The following DPP10 variants were observed in gnomAD, a reference collection of about 807,000 sequenced individuals.
DPP10 encodes inactive dipeptidyl peptidase 10.
A neutral mutation model predicts 120.9 loss-of-function variants in DPP10; 33 were observed. The observed-to-expected ratio is 0.27, with a 90% CI of 0.21 to 0.37. The LOEUF is 0.37. Among genes scored for constraint, DPP10 ranks in the 10% least tolerant of loss-of-function variants. DPP10 has a pLI of 1.00. For synonymous variants in DPP10, 337 were observed against 326.1 expected (o/e 1.03, Z -0.36); for missense variants, 816 against 942.8 (o/e 0.87, Z 1.76).
At chr2:114,611,767 A>G (rs145459609) in intron 1 of DPP10, among the ~76,000 whole-genome samples, 1,615 of 152,306 alleles carry the variant, frequency 0.011, 24 homozygotes, top group South Asian at 0.014. Context: ...ATATTAATCA[A>G]GCTCATCCTA....
intron 8 of DPP10, among the ~76,000 whole-genome samples, chr2:115,738,361 A>C (rs1441583815): frequency 1.3e-5 from 2 of 151,934 alleles, no homozygotes; most frequent in Non-Finnish European, 2.9e-5. Context: ...CCTGTGTACT[A>C]TCTGTGGGGT....
chr2:115,279,677 T>C (rs1404355678), intron 1 of DPP10, among the ~76,000 whole-genome samples: 1 of 138,322 alleles, frequency 7.2e-6, no homozygotes, highest in East Asian at 2.1e-4. Flanking sequence ...TTTTTTTTTT[T>C]TTTTTGGAGA....
intron 4 of DPP10, among the ~76,000 whole-genome samples, chr2:115,505,992 A>G (rs192540041): frequency 1.7e-3 from 205 of 123,644 alleles, no homozygotes; most frequent in Non-Finnish European, 2.9e-3. Context: ...AATTATTAAT[A>G]CAAATAAAAT....
chr2:114,777,221 G>A (rs1209159254), intron 1 of DPP10, among the ~76,000 whole-genome samples: 2 of 151,936 alleles, frequency 1.3e-5, no homozygotes, highest in Non-Finnish European at 2.9e-5. Context: ...AAGAGTACAG[G>A]AAGACCAACA....
chr2:115,333,703 A>G (rs1024184574), intron 2 of DPP10, among the ~76,000 whole-genome samples: 2 of 152,016 alleles, frequency 1.3e-5, no homozygotes, highest in Non-Finnish European at 2.9e-5. Flanking sequence ...GGCTGGATAT[A>G]AAATTCTGGG....
intron 1 of DPP10, among the ~76,000 whole-genome samples, chr2:114,643,689 G>C (rs975990006): frequency 6.6e-6 from 1 of 151,738 alleles, no homozygotes; most frequent in Non-Finnish European, 1.5e-5. Flanking sequence ...AATCAGTAAT[G>C]CACTTCTAAA....
intron 1 of DPP10, among the ~76,000 whole-genome samples, chr2:114,470,690 A>G (rs1679833100): frequency 1.3e-5 from 2 of 152,328 alleles, no homozygotes; most frequent in Admixed American, 6.5e-5. Flanking sequence ...ATATTCATGT[A>G]TGTGCTATCT....
intron 1 of DPP10, among the ~76,000 whole-genome samples, chr2:115,110,219 G>A (rs541453085): frequency 6.6e-6 from 1 of 152,214 alleles, no homozygotes; most frequent in Admixed American, 6.5e-5. Flanking sequence ...TAGTGATGAC[G>A]AGGAAAGTCT....
intron 19 of DPP10, among the ~76,000 whole-genome samples, chr2:115,805,048 G>A (rs914337748): frequency 1.3e-5 from 2 of 152,212 alleles, no homozygotes; most frequent in African/African-American, 2.4e-5. Context: ...ACAGAGGCAG[G>A]CAGGCCTCCT....
intron 1 of DPP10, among the ~76,000 whole-genome samples, chr2:115,102,439 C>T (rs1346113763): frequency 6.6e-6 from 1 of 151,990 alleles, no homozygotes; most frequent in Non-Finnish European, 1.5e-5. Flanking sequence ...GAGATAGGGT[C>T]TCACTCTGTC....
At chr2:114,541,445 T>A (rs1434052691) in intron 1 of DPP10, among the ~76,000 whole-genome samples, 1 of 152,110 alleles carries the variant, frequency 6.6e-6, no homozygotes, top group Non-Finnish European at 1.5e-5. Context: ...CCATACTCCC[T>A]TCCTCAAAAC....
At chr2:115,133,628 G>A (rs1178558198) in intron 1 of DPP10, among the ~76,000 whole-genome samples, 1 of 152,134 alleles carries the variant, frequency 6.6e-6, no homozygotes, top group African/African-American at 2.4e-5. Context: ...GAGAAGATGA[G>A]TGAGCTGCTC....
chr2:114,841,638 T>C (rs981937632), intron 1 of DPP10, among the ~76,000 whole-genome samples: 1 of 152,122 alleles, frequency 6.6e-6, no homozygotes, highest in Non-Finnish European at 1.5e-5. Context: ...AATCAACTTC[T>C]AGGACTGAAA....
At chr2:114,525,735 C>A (rs1685446397) in intron 1 of DPP10, among the ~76,000 whole-genome samples, 1 of 152,198 alleles carries the variant, frequency 6.6e-6, no homozygotes, top group Non-Finnish European at 1.5e-5. Context: ...GATGACTAAA[C>A]CATTTCTTGG....
chr2:114,644,884 G>A (rs1696001107), intron 1 of DPP10, among the ~76,000 whole-genome samples: 2 of 151,834 alleles, frequency 1.3e-5, no homozygotes, highest in South Asian at 4.2e-4. Context: ...AAAGATACTG[G>A]ACCATTTTAG....
intron 1 of DPP10, among the ~76,000 whole-genome samples, chr2:114,715,505 G>A (rs1162307128): frequency 6.6e-6 from 1 of 151,574 alleles, no homozygotes; most frequent in African/African-American, 2.4e-5. Flanking sequence ...TTTTATTCTA[G>A]GAAAAAATTC....
chr2:114,751,628 C>A (rs1444998443), intron 1 of DPP10, among the ~76,000 whole-genome samples: 2 of 152,264 alleles, frequency 1.3e-5, no homozygotes, highest in East Asian at 1.9e-4. Context: ...AGCACAATGG[C>A]GTTCACCAAT....
intron 3 of DPP10, among the ~76,000 whole-genome samples, chr2:115,462,519 A>T (rs1574919081): frequency 6.6e-6 from 1 of 152,142 alleles, no homozygotes; most frequent in African/African-American, 2.4e-5. Context: ...ATGGAGGACA[A>T]GGTCCTCCAT....
At chr2:115,361,100 T>C (rs910074013) in intron 3 of DPP10, among the ~76,000 whole-genome samples, 3 of 152,074 alleles carry the variant, frequency 2.0e-5, no homozygotes, top group African/African-American at 7.2e-5. Context: ...AGGCAGAGGC[T>C]GAGGATGGCA....
Sources: gnomAD v4.1 joint callset for allele counts (sites outside exome capture counted in the v4.1 genomes callset) on GRCh38, gnomAD v4.1.1 for gene constraint, MANE v1.5 for transcripts, NCBI Gene and HGNC (gene_info 2026-07-23, HGNC 2026-07-21) for gene names.